BST1: variants seen among roughly 807,000 people sequenced by gnomAD.
BST1 encodes the protein bone marrow stromal cell antigen 1, also known as ADP-ribosyl cyclase/cyclic ADP-ribose hydrolase 2.
BST1 carries 49 observed loss-of-function variants against 40.6 expected under a neutral mutation model. The observed-to-expected ratio is 1.21, with a 90% confidence interval of 0.96 to 1.53. BST1 has a LOEUF of 1.53. Ranked by LOEUF, BST1 falls within the 40% of genes most tolerant of loss-of-function variation. The pLI is 0.00. For synonymous variants in BST1, 157 were observed against 159.3 expected (o/e 0.99, Z 0.11); for missense variants, 423 against 395.9 (o/e 1.07, Z -0.58).
intron 3 of BST1, among the ~76,000 whole-genome samples, chr4:15,710,767 G>A (rs1720154117): frequency 6.6e-6 from 1 of 151,848 alleles, no homozygotes; most frequent in African/African-American, 2.4e-5. Context: ...CAATAGTATT[G>A]CATTATGCAT....
intron 1 of BST1, among the ~76,000 whole-genome samples, chr4:15,704,281 GGT>G (rs929591962): frequency 3.4e-5 from 5 of 148,000 alleles, no homozygotes; most frequent in Non-Finnish European, 7.5e-5. Flanking sequence ...AGAGGTGAGG[GGT>G]GTGTGTGTGT....
intron 8 of BST1, among the ~76,000 whole-genome samples, chr4:15,723,832 A>G (rs10034735): frequency 0.85 from 128,894 of 152,084 alleles, 54,873 homozygotes; most frequent in East Asian, 0.99. Flanking sequence ...AGGAGTGCCC[A>G]TTCTCCACTC....
At chr4:15,757,673 C>G in the BST1 span, among the ~76,000 whole-genome samples, 1 of 152,016 alleles carries the variant, frequency 6.6e-6, no homozygotes, top group East Asian at 1.9e-4. Context: ...AAGAGTTTTG[C>G]TCTTGTTGCC....
chr4:15,737,545 AG>A (rs1721613775), downstream of BST1, among the ~76,000 whole-genome samples: 3 of 152,294 alleles, frequency 2.0e-5, no homozygotes, highest in African/African-American at 7.2e-5. Flanking sequence ...TCCCAGCACC[AG>A]CTCCATGCCT....
the BST1 span, among the ~76,000 whole-genome samples, chr4:15,748,021 A>G: frequency 3.9e-5 from 6 of 152,106 alleles, no homozygotes; most frequent in African/African-American, 9.7e-5. Context: ...CCAGATTTCA[A>G]TGAGCCATTC....
chr4:15,707,268 A>G (rs1719929676), intron 2 of BST1, among the ~76,000 whole-genome samples: 1 of 152,168 alleles, frequency 6.6e-6, no homozygotes, highest in African/African-American at 2.4e-5. Flanking sequence ...ATGCACGTAT[A>G]TTTAGTACTA....
At chr4:15,765,148 A>G in the BST1 span, among the ~76,000 whole-genome samples, 2 of 151,956 alleles carry the variant, frequency 1.3e-5, no homozygotes, top group African/African-American at 4.9e-5. Flanking sequence ...TCACTTGGAT[A>G]CATAACTGGC....
At chr4:15,759,113 A>AT in the BST1 span, among the ~76,000 whole-genome samples, 2 of 151,954 alleles carry the variant, frequency 1.3e-5, no homozygotes, top group South Asian at 2.1e-4. Flanking sequence ...AGTTATGTAT[A>AT]TCAAAAACTA....
chr4:15,747,443 C>T, the BST1 span, among the ~76,000 whole-genome samples: 5 of 152,170 alleles, frequency 3.3e-5, no homozygotes, highest in African/African-American at 4.8e-5. Context: ...AATGATATCA[C>T]TACCATCAAT....
At chr4:15,729,284 T>A (rs895983387) in intron 8 of BST1, among the ~76,000 whole-genome samples, 2 of 152,084 alleles carry the variant, frequency 1.3e-5, no homozygotes, top group Non-Finnish European at 2.9e-5. Context: ...AGACCCCGCC[T>A]CTACAAGCAA....
the BST1 span, among the ~76,000 whole-genome samples, chr4:15,743,781 C>T: frequency 6.6e-5 from 10 of 152,204 alleles, no homozygotes; most frequent in Non-Finnish European, 1.5e-4. Context: ...GCTCAGGACA[C>T]TCTTTTCTGT....
intron 3 of BST1, among the ~76,000 whole-genome samples, chr4:15,708,294 C>T (rs1720005541): frequency 6.6e-6 from 1 of 152,132 alleles, no homozygotes; most frequent in South Asian, 2.1e-4. Context: ...CAAGAGCTGG[C>T]CTGAATGTTC....
chr4:15,764,669 G>T, the BST1 span, among the ~76,000 whole-genome samples: 5 of 151,768 alleles, frequency 3.3e-5, no homozygotes, highest in Non-Finnish European at 5.9e-5. Context: ...TTCTGGTGAC[G>T]ACACCCTGAT....
At chr4:15,735,993 C>A, downstream of BST1, 1 of 1,052,042 alleles carries the variant, frequency 9.5e-7, no homozygotes, top group Non-Finnish European at 1.3e-6. Flanking sequence ...ATCTGTCATA[C>A]TGCACGCAGA....
At chr4:15,722,592 ATTTTT>A (rs1012036868) in intron 7 of BST1, among the ~76,000 whole-genome samples, 24 of 120,302 alleles carry the variant, frequency 2.0e-4, no homozygotes, top group African/African-American at 6.6e-4. Flanking sequence ...TAATTTTTAG[ATTTTT>A]TTTTTTTTTT....
intron 6 of BST1, among the ~76,000 whole-genome samples, chr4:15,716,275 G>A (rs1003037313): frequency 6.6e-6 from 1 of 152,174 alleles, no homozygotes; most frequent in Non-Finnish European, 1.5e-5. Context: ...GGGAAAGCAC[G>A]AGTTTACATG....
At chr4:15,711,175 T>G (rs1020667953) in intron 3 of BST1, among the ~76,000 whole-genome samples, 1 of 152,222 alleles carries the variant, frequency 6.6e-6, no homozygotes, top group African/African-American at 2.4e-5. Context: ...CAGTTTTTGC[T>G]AGGAATATGA....
At chr4:15,750,902 A>G in the BST1 span, among the ~76,000 whole-genome samples, 1 of 152,222 alleles carries the variant, frequency 6.6e-6, no homozygotes, top group Non-Finnish European at 1.5e-5. Context: ...TCAAGAATAA[A>G]TTATCAGGTG....
chr4:15,728,653 T>C (rs1721237878), intron 8 of BST1, among the ~76,000 whole-genome samples: 1 of 149,130 alleles, frequency 6.7e-6, no homozygotes, highest in Admixed American at 6.7e-5. Flanking sequence ...CTTTTTTTTT[T>C]TTTTTTTTTG....
Sources: gnomAD v4.1 joint callset for allele counts (sites outside exome capture counted in the v4.1 genomes callset) on GRCh38, gnomAD v4.1.1 for gene constraint, MANE v1.5 for transcripts, NCBI Gene and HGNC (gene_info 2026-07-23, HGNC 2026-07-21) for gene names.